CAPZB: variants seen among roughly 807,000 people sequenced by gnomAD.
CAPZB encodes F-actin-capping protein subunit beta.
In CAPZB, 2 loss-of-function variants were observed where a neutral mutation model predicts 38.1. That is an observed-to-expected ratio of 0.05 (90% CI 0.02 to 0.17). The LOEUF (loss-of-function observed/expected upper bound fraction) is 0.17. Ranked by LOEUF, CAPZB falls within the 10% of genes least tolerant of loss-of-function variation. CAPZB has a pLI of 1.00. For missense variants in CAPZB, 161 were observed against 334.2 expected, an observed-to-expected ratio of 0.48 and a Z score of 4.04; for synonymous variants, 107 against 127.4, an observed-to-expected ratio of 0.84 and a Z score of 1.08.
At chr1:19,366,887 C>T (rs888620482) in intron 4 of CAPZB, among the ~76,000 whole-genome samples, 2 of 152,196 alleles carry the variant, frequency 1.3e-5, no homozygotes, top group African/African-American at 4.8e-5. Flanking sequence ...GTTTGTTTTT[C>T]TGATCATCCT....
intron 1 of CAPZB, among the ~76,000 whole-genome samples, chr1:19,467,440 C>T (rs564874535): frequency 2.6e-5 from 4 of 152,250 alleles, no homozygotes; most frequent in African/African-American, 4.8e-5. Context: ...GCAGAGGACA[C>T]GGATGTGCCA....
In CAPZB at chr1:19,394,636, A is replaced by G. The variant is rs187537157; in HGVS notation, c.94-9010T>C. On this transcript the variant is annotated intron_variant, in intron 2 of 8. Coordinates refer to ENST00000264202, the MANE Select transcript of CAPZB (RefSeq NM_004930.5). ...TGGGAGGCTGAGGCAGAATTGCTTG[A>G]ATCCAGGAGGCGGAGGTTGCAGTGA... Among the ~76,000 whole-genome samples the G allele has an allele frequency of 2.0e-3, 298 of 152,260 alleles. 3 individuals are homozygous for G. Among genetic ancestry groups the G allele is most frequent in the African/African-American group, 6.8e-3 (282 of 41,554 alleles).
chr1:19,453,060 C>A (rs533287007), intron 1 of CAPZB, among the ~76,000 whole-genome samples: 1 of 151,840 alleles, frequency 6.6e-6, no homozygotes, highest in Non-Finnish European at 1.5e-5. Flanking sequence ...CTGCCTCAGC[C>A]TCCCAAAGCA....
At chr1:19,365,775 G>A (rs1038713777) in intron 4 of CAPZB, among the ~76,000 whole-genome samples, 6 of 151,734 alleles carry the variant, frequency 4.0e-5, no homozygotes, top group African/African-American at 1.2e-4. Flanking sequence ...CAGAGGTTGC[G>A]GTGAGCCGAG....
intron 2 of CAPZB, among the ~76,000 whole-genome samples, chr1:19,404,445 G>A (rs1570154727): frequency 6.6e-6 from 1 of 151,506 alleles, no homozygotes; most frequent in East Asian, 1.9e-4. Flanking sequence ...TCCAGACGCT[G>A]AGGCTGGAGA....
intron 6 of CAPZB, among the ~76,000 whole-genome samples, chr1:19,349,143 C>T (rs909654337): frequency 2.0e-4 from 30 of 152,116 alleles, no homozygotes; most frequent in African/African-American, 6.8e-4. Context: ...GCCAAGACGA[C>T]GGGGTGGGCT....
At chr1:19,420,947 C>T (rs183595269) in intron 1 of CAPZB, among the ~76,000 whole-genome samples, 2 of 152,284 alleles carry the variant, frequency 1.3e-5, no homozygotes, top group East Asian at 3.9e-4. Flanking sequence ...ACACAGAAGG[C>T]TAGACCTCAG....
chr1:19,410,354 A>G (rs2094352050), intron 2 of CAPZB, among the ~76,000 whole-genome samples: 1 of 152,250 alleles, frequency 6.6e-6, no homozygotes, highest in South Asian at 2.1e-4. Context: ...TGGTTCTTGC[A>G]GTGCACTGCT....
chr1:19,474,162 ATTTTTGTAT>A (rs1221279001), intron 1 of CAPZB, among the ~76,000 whole-genome samples: 1 of 151,892 alleles, frequency 6.6e-6, no homozygotes, highest in Non-Finnish European at 1.5e-5. Flanking sequence ...CATTTGGCTA[ATTTTTGTAT>A]TTTTTGTAGA....
intron 8 of CAPZB, chr1:19,342,860 T>C: frequency 3.8e-6 from 6 of 1,588,168 alleles, no homozygotes; most frequent in Non-Finnish European, 5.2e-6. Context: ...ATAGCATCAA[T>C]AGATCTACAG....
chr1:19,469,739 A>AAC (rs1368840384), intron 1 of CAPZB, among the ~76,000 whole-genome samples: 1 of 74,086 alleles, frequency 1.3e-5, no homozygotes, highest in African/African-American at 5.3e-5. Flanking sequence ...GGAGGAAAAG[A>AAC]ATACACACAC....
At chr1:19,346,358 G>C (rs898937789) in intron 6 of CAPZB, among the ~76,000 whole-genome samples, 5 of 149,758 alleles carry the variant, frequency 3.3e-5, no homozygotes, top group African/African-American at 1.2e-4. Flanking sequence ...GTACTCTAAG[G>C]CTAAGCATTT....
chr1:19,484,538 T>G (rs2094643833), intron 1 of CAPZB: 13 of 1,308,548 alleles, frequency 9.9e-6, no homozygotes, highest in South Asian at 3.0e-5. Flanking sequence ...CTTCCCTCGC[T>G]GGCTCCTAGG....
At chr1:19,417,918 CT>C (rs2094386782) in intron 2 of CAPZB, among the ~76,000 whole-genome samples, 2 of 152,224 alleles carry the variant, frequency 1.3e-5, no homozygotes, top group African/African-American at 4.8e-5. Context: ...AGGCAGATCA[CT>C]TGAGGTCAAG....
At position 19,357,863 on chromosome 1, in the gene CAPZB, AG is replaced by A. The variant is rs1368925300; in HGVS notation, c.330-301del. Among the ~76,000 whole-genome samples, 3 of 152,162 alleles carry A rather than the reference AG, an allele frequency of 2.0e-5. No homozygotes were observed. Among genetic ancestry groups the A allele is most frequent in the African/African-American group, 7.2e-5 (3 of 41,440 alleles). On this transcript the variant is annotated intron_variant, in intron 4 of 8. Transcript: ENST00000264202. This position sits in a 1 kb window ranked among gnomAD's most constrained non-coding sequence, Gnocchi z 4.3. ...TGGGCGTCACACTCCTCCCAGATAA[AG>A]AATGCAGCACGACTGACATCCAGTG...
chr1:19,466,413 T>A (rs939325253), intron 1 of CAPZB, among the ~76,000 whole-genome samples: 1 of 152,182 alleles, frequency 6.6e-6, no homozygotes, highest in African/African-American at 2.4e-5. Context: ...GCTGCAACGT[T>A]TTTCAATCTT....
chr1:19,348,759 A>AG (rs34640043), intron 6 of CAPZB, among the ~76,000 whole-genome samples: 2,037 of 97,722 alleles, frequency 0.021, 69 homozygotes, highest in African/African-American at 0.072. Flanking sequence ...GCATCTGACA[A>AG]GGGGGGGGGG....
At chr1:19,397,664 G>A (rs1001185539) in intron 2 of CAPZB, among the ~76,000 whole-genome samples, 1 of 152,176 alleles carries the variant, frequency 6.6e-6, no homozygotes, top group Non-Finnish European at 1.5e-5. Flanking sequence ...CTAATTTCAG[G>A]GAGGGAAATG....
chr1:19,447,589 A>G (rs941145377), intron 1 of CAPZB, among the ~76,000 whole-genome samples: 1 of 152,012 alleles, frequency 6.6e-6, no homozygotes, highest in Non-Finnish European at 1.5e-5. Flanking sequence ...AAACCACAAG[A>G]TCTATTTTTT....
Sources: gnomAD v4.1 joint callset for allele counts (sites outside exome capture counted in the v4.1 genomes callset) on GRCh38, gnomAD v4.1.1 for gene constraint, Gnocchi (gnomAD v3.1) non-coding constraint, MANE v1.5 for transcripts, NCBI Gene and HGNC (gene_info 2026-07-23, HGNC 2026-07-21) for gene names.